SDCCAG8: variants seen among roughly 807,000 people sequenced by gnomAD.
The protein encoded by SDCCAG8 is SHH signaling and ciliogenesis regulator SDCCAG8.
A neutral mutation model predicts 101.8 loss-of-function variants in SDCCAG8; 74 were observed. The observed-to-expected ratio is 0.73, with a 90% CI of 0.60 to 0.88. SDCCAG8 has a LOEUF of 0.88. SDCCAG8 is among the 40% of genes least tolerant of loss of function. SDCCAG8 has a pLI of 0.00. For synonymous variants in SDCCAG8, 281 were observed against 292.9 expected (o/e 0.96, Z 0.41); for missense variants, 787 against 822.6 (o/e 0.96, Z 0.53).
intron 2 of SDCCAG8, among the ~76,000 whole-genome samples, chr1:243,270,628 A>G (rs190041087): frequency 6.6e-6 from 1 of 151,984 alleles, no homozygotes; most frequent in East Asian, 1.9e-4. Context: ...AATTTTTCTT[A>G]TCCTTTTCTG....
chr1:243,451,622 A>G (rs1040928671), intron 16 of SDCCAG8, among the ~76,000 whole-genome samples: 3 of 152,136 alleles, frequency 2.0e-5, no homozygotes, highest in Non-Finnish European at 4.4e-5. Flanking sequence ...ACACTTACGT[A>G]TATATACTAA....
At chr1:243,483,110 C>A (rs552477903) in intron 16 of SDCCAG8, among the ~76,000 whole-genome samples, 1 of 152,198 alleles carries the variant, frequency 6.6e-6, no homozygotes, top group African/African-American at 2.4e-5. Flanking sequence ...CGCCCTGAAA[C>A]GGACGCTGGA....
chr1:243,311,279 A>G (rs2072696275), intron 8 of SDCCAG8, among the ~76,000 whole-genome samples: 1 of 152,142 alleles, frequency 6.6e-6, no homozygotes, highest in Non-Finnish European at 1.5e-5. Context: ...TCTCCAAAAT[A>G]TATTGTTGCA....
At chr1:243,436,168 T>A (rs1379958677) in intron 16 of SDCCAG8, among the ~76,000 whole-genome samples, 1 of 73,836 alleles carries the variant, frequency 1.4e-5, no homozygotes, top group Non-Finnish European at 2.6e-5. Flanking sequence ...GTTTATCAAC[T>A]TTTTTTTTTT....
At chr1:243,392,817 G>T (rs1271874432) in intron 13 of SDCCAG8, among the ~76,000 whole-genome samples, 4 of 152,200 alleles carry the variant, frequency 2.6e-5, no homozygotes, top group African/African-American at 9.6e-5. Context: ...CTGTGATTCA[G>T]TCAACATTTA....
At chr1:243,400,056 T>C (rs1419650835) in intron 13 of SDCCAG8, among the ~76,000 whole-genome samples, 1 of 152,224 alleles carries the variant, frequency 6.6e-6, no homozygotes, top group Non-Finnish European at 1.5e-5. Context: ...ACTACGATTT[T>C]ATCCATTACA....
chr1:243,423,174 T>G (rs1210033908), intron 15 of SDCCAG8, among the ~76,000 whole-genome samples: 1 of 152,126 alleles, frequency 6.6e-6, no homozygotes, highest in Non-Finnish European at 1.5e-5. Flanking sequence ...AAAAAAAGAT[T>G]GTTGCAATAC....
intron 16 of SDCCAG8, among the ~76,000 whole-genome samples, chr1:243,469,335 G>C: frequency 6.6e-6 from 1 of 152,084 alleles, no homozygotes; most frequent in East Asian, 1.9e-4. Flanking sequence ...TGTATATGTA[G>C]CTACCTACAA....
chr1:243,477,462 C>T (rs1160788398), intron 16 of SDCCAG8, among the ~76,000 whole-genome samples: 2 of 152,204 alleles, frequency 1.3e-5, no homozygotes, highest in Admixed American at 6.5e-5. Context: ...GTGTCAACTC[C>T]TGTTTCATGG....
intron 1 of SDCCAG8, 147 bp downstream of exon 1, chr1:243,256,387 G>A (rs1180064458): frequency 1.0e-5 from 7 of 693,520 alleles, no homozygotes; most frequent in Non-Finnish European, 1.3e-5. Flanking sequence ...TCTTGAGGAG[G>A]ATGAAATAGT....
At chr1:243,435,827 G>A (rs1395635642) in intron 16 of SDCCAG8, among the ~76,000 whole-genome samples, 1 of 151,814 alleles carries the variant, frequency 6.6e-6, no homozygotes, top group African/African-American at 2.4e-5. Context: ...TATCTATCTA[G>A]TTGCTTCTTT....
chr1:243,259,120 G>A (rs2066990760), intron 1 of SDCCAG8, among the ~76,000 whole-genome samples: 1 of 152,196 alleles, frequency 6.6e-6, no homozygotes, highest in African/African-American at 2.4e-5. Context: ...TTTTCCTGGG[G>A]CCGGGCGTGG....
At chr1:243,377,830 CT>C (rs34783752) in intron 12 of SDCCAG8, among the ~76,000 whole-genome samples, 1 of 144,958 alleles carries the variant, frequency 6.9e-6, no homozygotes, top group Non-Finnish European at 1.5e-5. Flanking sequence ...TCTGCCCTTT[CT>C]TTTTTTTTTT....
At chr1:243,259,574 C>G (rs181866331) in intron 1 of SDCCAG8, among the ~76,000 whole-genome samples, 53 of 152,150 alleles carry the variant, frequency 3.5e-4, no homozygotes, top group African/African-American at 8.9e-4. Flanking sequence ...AATCCCAGCA[C>G]TTTGGGAGGC....
At chr1:243,478,396 C>A (rs933678467) in intron 16 of SDCCAG8, among the ~76,000 whole-genome samples, 1 of 152,152 alleles carries the variant, frequency 6.6e-6, no homozygotes, top group African/African-American at 2.4e-5. Context: ...CCTCTCAGCC[C>A]TAACATAATA....
chr1:243,495,838 T>G (rs1287428290), intron 17 of SDCCAG8, among the ~76,000 whole-genome samples: 2 of 152,194 alleles, frequency 1.3e-5, no homozygotes, highest in African/African-American at 2.4e-5. Flanking sequence ...ATTTGGCAGC[T>G]TAATTCCGTA....
intron 13 of SDCCAG8, among the ~76,000 whole-genome samples, chr1:243,384,911 ACTT>A (rs1194393911): frequency 1.3e-5 from 2 of 152,200 alleles, no homozygotes; most frequent in Admixed American, 6.5e-5. Context: ...TATTCAAACA[ACTT>A]CTTCTTTTTC....
rs535032964 is a variant in SDCCAG8 at position 243,454,498 on chromosome 1, G to A, written c.1985+27940G>A. Reference sequence around the variant, plus strand: ...CTTCTTTCCTTACCCCACAGCCCCCGTGCACCACAGCCTACATCACTGTAC... The same window carrying A: ...CTTCTTTCCTTACCCCACAGCCCCCATGCACCACAGCCTACATCACTGTAC... On this transcript the variant is annotated intron_variant, in intron 16 of 17. Transcript: ENST00000366541. 6.6e-5 allele frequency among the ~76,000 whole-genome samples: 10 copies of A among 152,102 alleles called. No individual in the cohort carries two copies. The South Asian group carries it at 2.1e-3, about 32-fold the overall frequency.
chr1:243,406,485 G>C (rs1454808903), intron 13 of SDCCAG8, among the ~76,000 whole-genome samples: 3 of 152,106 alleles, frequency 2.0e-5, no homozygotes, highest in African/African-American at 7.2e-5. Context: ...TACAGAAATT[G>C]CTCTTACTAT....
Sources: allele counts gnomAD v4.1 joint callset (sites outside exome capture counted in the v4.1 genomes callset), GRCh38; gene constraint gnomAD v4.1.1; transcripts MANE v1.5; gene names NCBI Gene and HGNC (gene_info 2026-07-23, HGNC 2026-07-21).